The following S100Z variants were observed in gnomAD, a reference collection of about 807,000 sequenced individuals.
S100Z encodes the protein S100 calcium binding protein Z, also known as protein S100-Z.
In S100Z, 11 loss-of-function variants were observed where a neutral mutation model predicts 8.5. That is an observed-to-expected ratio of 1.30 (90% CI 0.82 to 2.15). The LOEUF (loss-of-function observed/expected upper bound fraction) is 2.15. Ranked by LOEUF, S100Z falls within the 30% of genes most tolerant of loss-of-function variation. The pLI is 0.00. For missense variants in S100Z, 126 were observed against 117.9 expected (o/e 1.07, Z -0.32); for synonymous variants, 34 against 43.8 (o/e 0.78, Z 0.89).
At chr5:76,907,288 G>T (rs1744490917) in intron 4 of S100Z, among the ~76,000 whole-genome samples, 1 of 151,666 alleles carries the variant, frequency 6.6e-6, no homozygotes, top group South Asian at 2.1e-4. Context: ...TAGTCTTGAT[G>T]ACTATTGCTT....
intron 1 of S100Z, among the ~76,000 whole-genome samples, chr5:76,864,386 A>ATTTTTTTTTTTTTTTTTTTT (rs56206322): frequency 4.2e-5 from 3 of 72,172 alleles, no homozygotes; most frequent in East Asian, 4.7e-4. Context: ...TGCATACTAT[A>ATTTTTTTTTTTTTTTTTTTT]TTTTTTTTTT....
chr5:76,938,111 CAAAA>C, the S100Z span, among the ~76,000 whole-genome samples: 20,532 of 88,226 alleles, frequency 0.23, 1,533 homozygotes, highest in East Asian at 0.45. Context: ...AAAAAATAAA[CAAAA>C]AAACAAAAAA....
intron 1 of S100Z, among the ~76,000 whole-genome samples, chr5:76,852,899 G>T (rs913001016): frequency 6.6e-6 from 1 of 152,100 alleles, no homozygotes; most frequent in Non-Finnish European, 1.5e-5. Context: ...TTATCAGCTG[G>T]GCTATTCATA....
chr5:76,876,663 G>T (rs1743204158), intron 3 of S100Z, among the ~76,000 whole-genome samples: 1 of 152,196 alleles, frequency 6.6e-6, no homozygotes, highest in Non-Finnish European at 1.5e-5. Flanking sequence ...GAGCCACTGT[G>T]TGGGGCCAAC....
chr5:76,951,429 G>C, the S100Z span, among the ~76,000 whole-genome samples: 2,209 of 152,340 alleles, frequency 0.015, 65 homozygotes, highest in African/African-American at 0.05. Context: ...TCAGGTGCCA[G>C]ACCCCCTAAG....
At chr5:76,896,898 C>T (rs968741165) in intron 4 of S100Z, among the ~76,000 whole-genome samples, 1 of 151,682 alleles carries the variant, frequency 6.6e-6, no homozygotes, top group African/African-American at 2.4e-5. Context: ...GTTTTTTTTC[C>T]TATAGTTATT....
chr5:76,877,587 AT>A (rs1430345755), intron 3 of S100Z, 86 bp from the exon 4 acceptor site: 10 of 826,846 alleles, frequency 1.2e-5, no homozygotes, highest in East Asian at 2.5e-5. Flanking sequence ...GAAATTAGGA[AT>A]TTAATGTAAA....
chr5:76,883,808 G>A (rs12521017), intron 4 of S100Z, among the ~76,000 whole-genome samples: 79,484 of 152,028 alleles, frequency 0.52, 23,737 homozygotes, highest in Non-Finnish European at 0.66. Context: ...CAGGCTGCGG[G>A]CATTGCTTGG....
intron 4 of S100Z, among the ~76,000 whole-genome samples, chr5:76,880,808 A>G (rs546111765): frequency 6.6e-6 from 1 of 152,336 alleles, no homozygotes; most frequent in Admixed American, 6.5e-5. Flanking sequence ...TGATTTAGGT[A>G]AAAACAACAC....
At chr5:76,879,242 A>G (rs1743304996) in intron 4 of S100Z, among the ~76,000 whole-genome samples, 1 of 152,146 alleles carries the variant, frequency 6.6e-6, no homozygotes, top group South Asian at 2.1e-4. Flanking sequence ...CTATCTTGCA[A>G]CTATGAGGAC....
At chr5:76,893,154 C>G (rs1167830619) in intron 4 of S100Z, among the ~76,000 whole-genome samples, 1 of 152,020 alleles carries the variant, frequency 6.6e-6, no homozygotes, top group Non-Finnish European at 1.5e-5. Context: ...TGGAAAGTGT[C>G]TACTATATAA....
intron 4 of S100Z, among the ~76,000 whole-genome samples, chr5:76,880,211 A>G (rs1459395628): frequency 1.3e-5 from 2 of 152,148 alleles, no homozygotes; most frequent in Non-Finnish European, 2.9e-5. Context: ...CAATGGTGGA[A>G]TGTCATGAGT....
chr5:76,937,546 A>G, the S100Z span, among the ~76,000 whole-genome samples: 1 of 152,034 alleles, frequency 6.6e-6, no homozygotes, highest in African/African-American at 2.4e-5. Flanking sequence ...GCTTCAGCCC[A>G]GGAGTTTAAG....
chr5:76,877,427 G>T (rs1297232722), intron 3 of S100Z, among the ~76,000 whole-genome samples: 16 of 152,120 alleles, frequency 1.1e-4, no homozygotes, highest in Admixed American at 1.0e-3. Flanking sequence ...CACTCACTTT[G>T]ATCAGCTGCT....
the S100Z span, among the ~76,000 whole-genome samples, chr5:76,940,421 TC>T: frequency 4.7e-5 from 7 of 149,906 alleles, no homozygotes; most frequent in South Asian, 2.1e-4. Context: ...TTTTTTTTTT[TC>T]TTTTTTTTGA....
chr5:76,884,807 A>C (rs1490162164), intron 4 of S100Z, among the ~76,000 whole-genome samples: 1 of 152,092 alleles, frequency 6.6e-6, no homozygotes, highest in Non-Finnish European at 1.5e-5. Context: ...TGGCCTGGCG[A>C]GGAGCAGCCT....
intron 1 of S100Z, among the ~76,000 whole-genome samples, chr5:76,852,072 A>G (rs76980953): frequency 1.3e-5 from 2 of 148,594 alleles, no homozygotes; most frequent in Non-Finnish European, 3.0e-5. Flanking sequence ...AAAAAAAAAA[A>G]GTGAAGTTCT....
chr5:76,865,405 T>C (rs1054030264), intron 1 of S100Z, among the ~76,000 whole-genome samples: 1 of 151,732 alleles, frequency 6.6e-6, no homozygotes, highest in Admixed American at 6.6e-5. Context: ...CCACCAGGCC[T>C]GGCTATTTTT....
At chr5:76,906,224 G>A (rs1744417593) in intron 4 of S100Z, among the ~76,000 whole-genome samples, 1 of 152,200 alleles carries the variant, frequency 6.6e-6, no homozygotes, top group African/African-American at 2.4e-5. Context: ...TTTGGTGTAT[G>A]TATCCATTGT....
Sources: gnomAD v4.1 joint callset for allele counts (sites outside exome capture counted in the v4.1 genomes callset) on GRCh38, gnomAD v4.1.1 for gene constraint, MANE v1.5 for transcripts, NCBI Gene and HGNC (gene_info 2026-07-23, HGNC 2026-07-21) for gene names.